Variants in EIF3L observed in about 807,000 individuals in gnomAD.
EIF3L encodes eIEF associated protein HSPC021.
Under a neutral mutation model 74.6 loss-of-function variants are expected in EIF3L, and 32 were observed. The ratio of observed to expected loss-of-function variants is 0.43; its 90% CI spans 0.32 to 0.58. EIF3L has a LOEUF of 0.58. Among genes scored for constraint, EIF3L ranks in the 20% least tolerant of loss-of-function variants. The pLI is 0.06. For missense variants in EIF3L, 474 were observed against 707.8 expected (o/e 0.67, Z 3.75); for synonymous variants, 256 against 254.4 (o/e 1.01, Z -0.06).
At chr22:37,854,703 G>A in intron 3 of EIF3L, among the ~76,000 whole-genome samples, 1 of 152,194 alleles carries the variant, frequency 6.6e-6, no homozygotes, top group East Asian at 1.9e-4. Context: ...CTAACCTCAA[G>A]TGATCCACCC....
At chr22:37,878,332 CT>C in intron 11 of EIF3L, 161 bp downstream of exon 11, 1 of 858,968 alleles carries the variant, frequency 1.2e-6, no homozygotes, top group Non-Finnish European at 1.7e-6. Context: ...AATACTAGTA[CT>C]TTAGGGGAGG....
Position 37,889,201 on chromosome 22 carries a change from C to G in EIF3L, c.*737C>G, listed in dbSNP as rs1031482736. The G allele has an allele frequency of 2.6e-5, 4 of 152,228 alleles. No individual in the cohort carries two copies. Among genetic ancestry groups the G allele is most frequent in the African/African-American group, 4.8e-5 (2 of 41,442 alleles). The allele number at this position is 152,228 out of a possible 1,614,324, so 9.4% of individuals were successfully genotyped here. ...AGTAGCTGGGACTACAGGCACCCGC[C>G]ACCATGCCCGGCCAATTTTTTGTAT... On this transcript the variant is annotated 3_prime_UTR_variant, in exon 13 of 13. Coordinates refer to ENST00000652021, the MANE Select transcript of EIF3L (RefSeq NM_016091.4).
At chr22:37,863,227 A>T in intron 6 of EIF3L, 45 bp from the exon 7 acceptor site, 1 of 1,529,522 alleles carries the variant, frequency 6.5e-7, no homozygotes, top group South Asian at 1.1e-5. Context: ...CAGAATGGGC[A>T]GAGTCATTGC....
Position 37,870,170 on chromosome 22 carries a change from C to A in EIF3L, c.580-6C>A. ...ACTACTGCATGTTTCTTTTCTTCCT[C>A]AACAGTTTCAGTCATTCAGTCAGTA... On this transcript the variant is annotated splice_polypyrimidine_tract_variant and splice_region_variant and intron_variant, in intron 7 of 12. Coordinates refer to ENST00000652021, the MANE Select transcript of EIF3L (RefSeq NM_016091.4). 6.3e-7 allele frequency: 1 copy of A among 1,588,122 alleles called. No individual in the cohort carries two copies. Among genetic ancestry groups the A allele is most frequent in the South Asian group, 1.1e-5 (1 of 87,510 alleles).
intron 7 of EIF3L, among the ~76,000 whole-genome samples, chr22:37,869,932 C>T (rs1345520256): frequency 2.0e-5 from 3 of 152,178 alleles, no homozygotes; most frequent in African/African-American, 7.2e-5. Context: ...CACAGACTAC[C>T]TCTAATCCTA....
At chr22:37,862,929 T>C (rs780440746) in intron 5 of EIF3L, 40 bp from the exon 6 acceptor site, 1 of 1,495,848 alleles carries the variant, frequency 6.7e-7, no homozygotes, top group Non-Finnish European at 9.2e-7. Flanking sequence ...CACATTAAAA[T>C]TAAATATCTG....
intron 5 of EIF3L, among the ~76,000 whole-genome samples, chr22:37,862,273 A>G (rs112099111): frequency 3.3e-5 from 5 of 152,156 alleles, no homozygotes; most frequent in African/African-American, 1.2e-4. Flanking sequence ...TCACAAATAC[A>G]TTGCTCATGG....
chr22:37,855,532 T>C, intron 3 of EIF3L, 33 bp from the exon 4 acceptor site: 1 of 1,598,474 alleles, frequency 6.3e-7, no homozygotes. Context: ...CCAGTCCTTT[T>C]GGAATTTTAG....
intron 9 of EIF3L, among the ~76,000 whole-genome samples, chr22:37,874,790 G>A (rs1420959432): frequency 1.3e-5 from 2 of 151,942 alleles, no homozygotes; most frequent in African/African-American, 2.4e-5. Context: ...GTGCAGTGGT[G>A]TGATCTCAGC....
intron 5 of EIF3L, 69 bp downstream of exon 5, chr22:37,858,809 A>G (rs750697372): frequency 7.3e-7 from 1 of 1,362,174 alleles, no homozygotes; most frequent in Non-Finnish European, 1.0e-6. Flanking sequence ...TTTTGTCCCT[A>G]GAACACAGTC....
intron 2 of EIF3L, among the ~76,000 whole-genome samples, chr22:37,850,357 G>C (rs1163228669): frequency 6.6e-6 from 1 of 151,478 alleles, no homozygotes; most frequent in African/African-American, 2.4e-5. Context: ...TTTTTGAGAT[G>C]GAGTTTCCCT....
chr22:37,863,465 C>A, intron 7 of EIF3L, 120 bp downstream of exon 7: 2 of 784,366 alleles, frequency 2.5e-6, no homozygotes, highest in Non-Finnish European at 4.1e-6. Context: ...TGTAAAATAC[C>A]CCATGGCAGT....
chr22:37,864,072 A>T (rs1569115295), intron 7 of EIF3L, among the ~76,000 whole-genome samples: 1 of 152,138 alleles, frequency 6.6e-6, no homozygotes, highest in Non-Finnish European at 1.5e-5. Flanking sequence ...TCAAAAAAAA[A>T]AAAGAAAGAG....
intron 5 of EIF3L, among the ~76,000 whole-genome samples, chr22:37,861,007 G>C (rs1006630349): frequency 2.0e-5 from 3 of 152,104 alleles, no homozygotes; most frequent in African/African-American, 7.2e-5. Context: ...TCTCTTGTAC[G>C]TTGTATTTGT....
chr22:37,870,776 C>T (rs1266178466), intron 8 of EIF3L, among the ~76,000 whole-genome samples: 2 of 151,974 alleles, frequency 1.3e-5, no homozygotes, highest in Non-Finnish European at 2.9e-5. Flanking sequence ...GCTGGCTTCT[C>T]ATTTCTGCTT....
At chr22:37,874,113 G>A (rs1420190755) in intron 8 of EIF3L, among the ~76,000 whole-genome samples, 3 of 151,902 alleles carry the variant, frequency 2.0e-5, no homozygotes, top group Non-Finnish European at 4.4e-5. Flanking sequence ...TGATGAGAGG[G>A]GCCTTTGCAT....
At chr22:37,862,757 G>T (rs950891501) in intron 5 of EIF3L, among the ~76,000 whole-genome samples, 2 of 152,144 alleles carry the variant, frequency 1.3e-5, no homozygotes, top group Admixed American at 6.5e-5. Context: ...TTTAAGGTCT[G>T]TTGCTGTAGA....
intron 4 of EIF3L, among the ~76,000 whole-genome samples, chr22:37,856,913 T>TC (rs1361145864): frequency 5.3e-5 from 8 of 151,268 alleles, no homozygotes; most frequent in Non-Finnish European, 1.0e-4. Flanking sequence ...TTTTTTTTTT[T>TC]CCCCAAGATT....
At chr22:37,849,836 G>A (rs1292377812) in intron 1 of EIF3L, 179 bp from the exon 2 acceptor site, 2 of 674,476 alleles carry the variant, frequency 3.0e-6, no homozygotes, top group East Asian at 5.2e-5. Flanking sequence ...CCGTAATGTT[G>A]TATTGTCATT....
Sources: gnomAD v4.1 joint callset for allele counts (sites outside exome capture counted in the v4.1 genomes callset) on GRCh38, gnomAD v4.1.1 for gene constraint, MANE v1.5 for transcripts, NCBI Gene and HGNC (gene_info 2026-07-23, HGNC 2026-07-21) for gene names.